The following CDH12 variants were observed in gnomAD, a reference collection of about 807,000 sequenced individuals.
CDH12 encodes the protein cadherin-12.
A neutral mutation model predicts 74.1 loss-of-function variants in CDH12; 41 were observed. That is an observed-to-expected ratio of 0.55 (90% CI 0.43 to 0.72). The LOEUF (loss-of-function observed/expected upper bound fraction) is 0.72. CDH12 is among the 30% of genes least tolerant of loss of function. The probability of loss-of-function intolerance (pLI) is 0.00; values close to 1 mark genes in which losing one functional copy is unlikely to be tolerated. For synonymous variants in CDH12, 399 were observed against 355.0 expected (o/e 1.12, Z -1.39); for missense variants, 945 against 977.2 (o/e 0.97, Z 0.44).
At chr5:22,453,243 A>C (rs973193721) in intron 2 of CDH12, among the ~76,000 whole-genome samples, 7 of 152,080 alleles carry the variant, frequency 4.6e-5, no homozygotes, top group African/African-American at 1.7e-4. Flanking sequence ...GTATTTTTAC[A>C]AAGGAAATGA....
intron 2 of CDH12, among the ~76,000 whole-genome samples, chr5:22,434,527 A>C (rs1157715958): frequency 6.6e-6 from 1 of 152,130 alleles, no homozygotes; most frequent in Admixed American, 6.6e-5. Flanking sequence ...GTCACTCCAA[A>C]ATGATTTTCA....
At chr5:22,066,505 T>C (rs532256392) in intron 5 of CDH12, among the ~76,000 whole-genome samples, 2 of 152,270 alleles carry the variant, frequency 1.3e-5, no homozygotes, top group Non-Finnish European at 2.9e-5. Flanking sequence ...AGCGGACCAA[T>C]GAAGTTCAGC....
intron 6 of CDH12, among the ~76,000 whole-genome samples, chr5:21,873,171 T>G (rs1751736854): frequency 6.6e-6 from 1 of 152,170 alleles, no homozygotes; most frequent in African/African-American, 2.4e-5. Flanking sequence ...TAGTCCCACC[T>G]AATCCTATGA....
intron 5 of CDH12, among the ~76,000 whole-genome samples, chr5:22,059,387 C>G (rs866379527): frequency 3.0e-5 from 2 of 67,210 alleles, no homozygotes; most frequent in Non-Finnish European, 2.6e-5. Context: ...ATCTATCTAT[C>G]TATCTATGTA....
chr5:22,153,124 A>G (rs926149409), intron 4 of CDH12, among the ~76,000 whole-genome samples: 1 of 151,016 alleles, frequency 6.6e-6, no homozygotes, highest in Admixed American at 6.6e-5. Flanking sequence ...GGATATATAT[A>G]CCCAGAAGAG....
intron 3 of CDH12, among the ~76,000 whole-genome samples, chr5:22,218,770 C>T (rs987621148): frequency 2.8e-4 from 42 of 151,712 alleles, no homozygotes; most frequent in Admixed American, 2.6e-4. Flanking sequence ...ACATCTTCCT[C>T]ATTTCTTCTT....
Position 22,481,772 on chromosome 5 carries a change from T to C in CDH12, c.-428+23498A>G, listed in dbSNP as rs1168186372. Among the ~76,000 whole-genome samples, 4 of 152,270 alleles carry C rather than the reference T, an allele frequency of 2.6e-5. No homozygotes were observed. The East Asian group carries it at 7.7e-4, about 29-fold the overall frequency. On this transcript the variant is annotated intron_variant, in intron 2 of 14. Transcript: ENST00000382254. The stretch of plus-strand genomic sequence containing the variant: ...AGATAAACAAGTTCTACAGATCTGC[T>C]GTACAACACAGTGCCTATAATCAAC...
intron 4 of CDH12, among the ~76,000 whole-genome samples, chr5:22,146,707 C>G (rs1039392711): frequency 6.6e-6 from 1 of 152,012 alleles, no homozygotes; most frequent in Non-Finnish European, 1.5e-5. Context: ...AAGTGTCCCC[C>G]TATCAAGGCT....
chr5:22,389,065 A>G (rs1278425051), intron 3 of CDH12, among the ~76,000 whole-genome samples: 1 of 152,190 alleles, frequency 6.6e-6, no homozygotes, highest in East Asian at 1.9e-4. Context: ...CAATACCTAT[A>G]AAGATCCTCT....
At chr5:22,058,045 C>T (rs1010056596) in intron 5 of CDH12, among the ~76,000 whole-genome samples, 4 of 139,956 alleles carry the variant, frequency 2.9e-5, no homozygotes, top group Non-Finnish European at 6.3e-5. Context: ...ATCTATCTAT[C>T]ATCTATCTTT....
intron 1 of CDH12, among the ~76,000 whole-genome samples, chr5:22,764,071 C>T (rs113240972): frequency 4.1e-4 from 63 of 151,888 alleles, no homozygotes; most frequent in African/African-American, 1.4e-3. Flanking sequence ...TGTAAATACA[C>T]GTGCTTTTTA....
At chr5:21,861,517 G>A (rs1427541201) in intron 6 of CDH12, among the ~76,000 whole-genome samples, 1 of 151,948 alleles carries the variant, frequency 6.6e-6, no homozygotes, top group Non-Finnish European at 1.5e-5. Context: ...AAATTTTGTT[G>A]TTTTCCAGTG....
At chr5:22,549,594 A>G (rs28474955) in intron 1 of CDH12, among the ~76,000 whole-genome samples, 93,062 of 151,912 alleles carry the variant, frequency 0.61, 28,855 homozygotes, top group East Asian at 0.82. Flanking sequence ...GGAGAAAGCA[A>G]TATTGATACA....
intron 5 of CDH12, among the ~76,000 whole-genome samples, chr5:22,042,889 C>CA (rs1171549252): frequency 0.064 from 3,501 of 54,660 alleles, 120 homozygotes; most frequent in African/African-American, 0.098. Flanking sequence ...GATTCTATCT[C>CA]AAAAAAAAAA....
chr5:22,448,724 A>C (rs1744926737), intron 2 of CDH12, among the ~76,000 whole-genome samples: 1 of 152,048 alleles, frequency 6.6e-6, no homozygotes, highest in South Asian at 2.1e-4. Context: ...TTTTTGTAAA[A>C]GTAAAAGAAA....
At chr5:22,644,844 C>G (rs1561548559) in intron 1 of CDH12, among the ~76,000 whole-genome samples, 1 of 152,012 alleles carries the variant, frequency 6.6e-6, no homozygotes, top group Non-Finnish European at 1.5e-5. Flanking sequence ...ATTTACTATT[C>G]TGAAAATCCT....
intron 4 of CDH12, among the ~76,000 whole-genome samples, chr5:22,157,526 G>C (rs1295843746): frequency 1.3e-5 from 2 of 151,860 alleles, no homozygotes; most frequent in Non-Finnish European, 2.9e-5. Flanking sequence ...TGGATATCCA[G>C]ATTCTTTGCT....
intron 5 of CDH12, among the ~76,000 whole-genome samples, chr5:21,997,510 A>T (rs1736364951): frequency 6.6e-6 from 1 of 152,134 alleles, no homozygotes; most frequent in Non-Finnish European, 1.5e-5. Context: ...TGAAAAATTA[A>T]AGCTGCAGTG....
intron 2 of CDH12, among the ~76,000 whole-genome samples, chr5:22,455,910 A>G (rs1389761274): frequency 6.6e-6 from 1 of 152,182 alleles, no homozygotes; most frequent in Non-Finnish European, 1.5e-5. Flanking sequence ...GAAATTCAGC[A>G]CACCTTAAAC....
Sources: gnomAD v4.1 joint callset for allele counts (sites outside exome capture counted in the v4.1 genomes callset) on GRCh38, gnomAD v4.1.1 for gene constraint, MANE v1.5 for transcripts, NCBI Gene and HGNC (gene_info 2026-07-23, HGNC 2026-07-21) for gene names.